The following LCTL variants were observed in gnomAD, a reference collection of about 807,000 sequenced individuals.
LCTL encodes lactase-like protein.
A neutral mutation model predicts 75.8 loss-of-function variants in LCTL; 76 were observed. The observed-to-expected ratio is 1.00, with a 90% CI of 0.83 to 1.21. LCTL has a LOEUF of 1.21. Ranked by LOEUF, LCTL falls within the 50% of genes most tolerant of loss-of-function variation. LCTL has a pLI of 0.00. For synonymous variants in LCTL, 271 were observed against 268.8 expected, an observed-to-expected ratio of 1.01 and a Z score of -0.08; for missense variants, 670 against 712.4, an observed-to-expected ratio of 0.94 and a Z score of 0.68.
chr15:66,550,796 A>C (rs1237444719), intron 11 of LCTL, among the ~76,000 whole-genome samples: 1 of 152,080 alleles, frequency 6.6e-6, no homozygotes, highest in African/African-American at 2.4e-5. Flanking sequence ...TCGAGATTAC[A>C]GTTTATATTC....
intron 8 of LCTL, among the ~76,000 whole-genome samples, chr15:66,557,451 G>A (rs1895765817): frequency 6.6e-6 from 1 of 152,030 alleles, no homozygotes; most frequent in South Asian, 2.1e-4. Context: ...GAAGGGCAGG[G>A]AAGCAGAACA....
chr15:66,563,881 T>C (rs1282080105), intron 3 of LCTL, 30 bp downstream of exon 4: 14 of 1,576,404 alleles, frequency 8.9e-6, no homozygotes, highest in Non-Finnish European at 1.1e-5. Context: ...GGGGCCTCAC[T>C]TGGGTTCAAG....
exon 13 of LCTL, chr15:66,548,471 C>A: frequency 7.0e-7 from 1 of 1,427,326 alleles, no homozygotes; most frequent in Non-Finnish European, 9.8e-7. Flanking sequence ...TATGAAGCTC[C>A]AAAATTGATA....
chr15:66,548,375 A>G, exon 13 of LCTL: 1 of 507,386 alleles, frequency 2.0e-6, no homozygotes, highest in East Asian at 2.8e-5. Flanking sequence ...AGAAAGAGAA[A>G]AAAAGGTAAT....
At chr15:66,564,310 C>G (rs759037078) in intron 2 of LCTL, 10 of 489,850 alleles carry the variant, frequency 2.0e-5, no homozygotes, top group African/African-American at 5.8e-5. Context: ...ATGAGCGGGT[C>G]CCACTCCCTC....
chr15:66,549,174 G>C (rs1010669716), intron 12 of LCTL: 1 of 152,142 alleles, frequency 6.6e-6, no homozygotes, highest in East Asian at 1.9e-4. Flanking sequence ...GGGTACTCTG[G>C]TTACTGAGAT....
intron 8 of LCTL, among the ~76,000 whole-genome samples, chr15:66,554,342 C>T (rs1895693250): frequency 6.6e-6 from 1 of 151,456 alleles, no homozygotes; most frequent in Non-Finnish European, 1.5e-5. Flanking sequence ...ATCTGTAATC[C>T]CAGCTACTCG....
rs138169911 is a variant in LCTL, at chr15:66,553,552, G to A, written c.923-294C>T. On this transcript the variant is annotated intron_variant, in intron 8 of 12. Transcript: ENST00000341509. Reference sequence around the variant, plus strand: ...GGGCGGATCACAAGGTCAGGAGATCGAGACCATCCTGGCTAGCACAGTGAA... The same window carrying A: ...GGGCGGATCACAAGGTCAGGAGATCAAGACCATCCTGGCTAGCACAGTGAA... Among the ~76,000 whole-genome samples the A allele has an allele frequency of 1.8e-3, 273 of 149,882 alleles. 1 individual carries two copies. The highest frequency in any genetic ancestry group is 6.2e-3 in the African/African-American group (254 of 40,670).
intron 8 of LCTL, among the ~76,000 whole-genome samples, chr15:66,555,333 A>G (rs1895715741): frequency 6.6e-6 from 1 of 150,786 alleles, no homozygotes; most frequent in Non-Finnish European, 1.5e-5. Flanking sequence ...GTCTTGCTCC[A>G]TCTCACTCTC....
At chr15:66,564,402 A>G in intron 2 of LCTL, 1 of 485,410 alleles carries the variant, frequency 2.1e-6, no homozygotes, top group Non-Finnish European at 3.7e-6. Context: ...TCAGCCCTTC[A>G]GCTCCCCCTT....
chr15:66,555,828 C>T (rs530534788), intron 8 of LCTL, among the ~76,000 whole-genome samples: 1 of 152,142 alleles, frequency 6.6e-6, no homozygotes. Flanking sequence ...ACAACAAAAA[C>T]AACCCAATTC....
chr15:66,555,270 C>T (rs1448849469), intron 8 of LCTL, among the ~76,000 whole-genome samples: 1 of 151,762 alleles, frequency 6.6e-6, no homozygotes, highest in African/African-American at 2.4e-5. Flanking sequence ...ATATAGTGAC[C>T]GAAGGATTGA....
At chr15:66,558,697 T>G (rs1018352781) in intron 6 of LCTL, among the ~76,000 whole-genome samples, 56 of 149,494 alleles carry the variant, frequency 3.7e-4, no homozygotes, top group East Asian at 2.2e-3. Context: ...GTTTTTTTTT[T>G]TTTTTTTTTT....
chr15:66,549,951 A>G (rs1331067690), intron 12 of LCTL, 90 bp downstream of exon 13: 3 of 828,420 alleles, frequency 3.6e-6, no homozygotes, highest in Non-Finnish European at 3.6e-6. Context: ...GATTGACTTC[A>G]AGTAGAGCCA....
At chr15:66,556,306 AT>A (rs1027174694) in intron 8 of LCTL, among the ~76,000 whole-genome samples, 3 of 151,462 alleles carry the variant, frequency 2.0e-5, no homozygotes, top group Non-Finnish European at 3.0e-5. Context: ...GACAATGGAA[AT>A]TTTTTTTTCT....
chr15:66,564,947 C>A (rs528756778), intron 1 of LCTL, 108 bp from the exon 3 acceptor site: 7 of 1,037,324 alleles, frequency 6.7e-6, no homozygotes, highest in African/African-American at 1.6e-5. Context: ...CCCTACCACG[C>A]TGCCCCTGTC....
At chr15:66,553,662 G>A (rs955905640) in intron 8 of LCTL, among the ~76,000 whole-genome samples, 10 of 151,754 alleles carry the variant, frequency 6.6e-5, no homozygotes, top group African/African-American at 1.7e-4. Context: ...GGCTGAGGCA[G>A]GAGAATGGCG....
At chr15:66,563,591 G>A in exon 4 of LCTL, 6 of 1,612,352 alleles carry the variant, frequency 3.7e-6, no homozygotes, top group Non-Finnish European at 5.1e-6. Context: ...TAAGATCACT[G>A]TAGAATTCGA....
intron 8 of LCTL, among the ~76,000 whole-genome samples, chr15:66,556,761 A>G (rs761379780): frequency 1.3e-5 from 2 of 152,210 alleles, no homozygotes; most frequent in Non-Finnish European, 2.9e-5. Context: ...TCAAAATCAG[A>G]GACTGTGGAA....
Sources: allele counts gnomAD v4.1 joint callset (sites outside exome capture counted in the v4.1 genomes callset), GRCh38; gene constraint gnomAD v4.1.1; transcripts MANE v1.5; gene names NCBI Gene and HGNC (gene_info 2026-07-23, HGNC 2026-07-21).